The following ADAMTS18 variants were observed in gnomAD, a reference collection of about 807,000 sequenced individuals.
ADAMTS18 encodes the protein A disintegrin and metalloproteinase with thrombospondin motifs 18.
A neutral mutation model predicts 165.9 loss-of-function variants in ADAMTS18; 157 were observed. That is an observed-to-expected ratio of 0.95 (90% CI 0.83 to 1.08). The LOEUF is 1.08. ADAMTS18 is among the 50% of genes least tolerant of loss of function. ADAMTS18 has a pLI of 0.00. For missense variants in ADAMTS18, 2,040 were observed against 1,534.0 expected (o/e 1.33, Z -5.51); for synonymous variants, 782 against 578.2 (o/e 1.35, Z -5.06).
At chr16:77,315,410 G>C (rs969303685) in intron 16 of ADAMTS18, among the ~76,000 whole-genome samples, 2 of 152,180 alleles carry the variant, frequency 1.3e-5, no homozygotes, top group African/African-American at 4.8e-5. Context: ...AATCTGGATA[G>C]AAACATATAC....
Position 77,396,918 on chromosome 16 carries a change from T to C in ADAMTS18, c.496-29195A>G, listed in dbSNP as rs572198880. Among the ~76,000 whole-genome samples the C allele has an allele frequency of 1.4e-3, 213 of 152,198 alleles. 1 individual carries two copies. The highest frequency in any genetic ancestry group is 4.7e-3 in the African/African-American group (194 of 41,542). On this transcript the variant is annotated intron_variant, in intron 3 of 22. Transcript: ENST00000282849. ...GCCCCCTGGATTCAAGCGATTCTCT[T>C]GCCTCAGCCTCCTGAGTAGCTGGGA...
chr16:77,294,309 C>T (rs1289966050), intron 19 of ADAMTS18, among the ~76,000 whole-genome samples: 1 of 152,086 alleles, frequency 6.6e-6, no homozygotes, highest in East Asian at 1.9e-4. Flanking sequence ...GGACATTCAC[C>T]TCTACCCACT....
At chr16:77,330,868 T>C in intron 12 of ADAMTS18, among the ~76,000 whole-genome samples, 1 of 152,086 alleles carries the variant, frequency 6.6e-6, no homozygotes, top group African/African-American at 2.4e-5. Flanking sequence ...CTACACTGAG[T>C]GATGTGAATA....
At chr16:77,350,339 A>G (rs1459848564) in intron 10 of ADAMTS18, among the ~76,000 whole-genome samples, 3 of 152,210 alleles carry the variant, frequency 2.0e-5, no homozygotes, top group Non-Finnish European at 4.4e-5. Flanking sequence ...AGCCAGCCCC[A>G]GAGCCTTTAC....
chr16:77,359,591 A>G (rs1483628716), intron 7 of ADAMTS18, among the ~76,000 whole-genome samples, 168 bp from the exon 8 acceptor site: 3 of 150,760 alleles, frequency 2.0e-5, no homozygotes, highest in Admixed American at 6.6e-5. Flanking sequence ...TGTCCTGTGT[A>G]ATGATAATGT....
chr16:77,365,925 T>A (rs2056786874), intron 4 of ADAMTS18, among the ~76,000 whole-genome samples: 1 of 152,252 alleles, frequency 6.6e-6, no homozygotes, highest in African/African-American at 2.4e-5. Flanking sequence ...TTTATAAGGT[T>A]GTTGTAAAGA....
chr16:77,366,199 T>C (rs1240009430), intron 4 of ADAMTS18, among the ~76,000 whole-genome samples: 2 of 152,180 alleles, frequency 1.3e-5, no homozygotes, highest in African/African-American at 2.4e-5. Context: ...GCGCACAGTT[T>C]CCATGCACAG....
chr16:77,331,581 T>C (rs1334102481), intron 12 of ADAMTS18, among the ~76,000 whole-genome samples: 4 of 152,196 alleles, frequency 2.6e-5, no homozygotes, highest in African/African-American at 4.8e-5. Context: ...CCTGATTACA[T>C]CTGTGAGTCC....
intron 3 of ADAMTS18, among the ~76,000 whole-genome samples, chr16:77,427,933 G>T (rs937697956): frequency 1.3e-5 from 2 of 152,190 alleles, no homozygotes; most frequent in Non-Finnish European, 2.9e-5. Flanking sequence ...ACGTACATAC[G>T]TATTCACTAT....
intron 22 of ADAMTS18, among the ~76,000 whole-genome samples, chr16:77,285,107 A>C (rs1161851037): frequency 6.6e-6 from 1 of 150,992 alleles, no homozygotes; most frequent in Non-Finnish European, 1.5e-5. Flanking sequence ...GGGCCTCAGG[A>C]GATAGGAAAT....
chr16:77,322,591 G>A, intron 13 of ADAMTS18, 125 bp from the exon 14 acceptor site: 1 of 1,218,806 alleles, frequency 8.2e-7, no homozygotes, highest in Non-Finnish European at 1.2e-6. Flanking sequence ...AAATGTGTGT[G>A]TTTGCACATA....
chr16:77,293,625 A>G (rs1383082024), intron 19 of ADAMTS18, among the ~76,000 whole-genome samples: 1 of 151,700 alleles, frequency 6.6e-6, no homozygotes, highest in African/African-American at 2.4e-5. Context: ...TCCCTAACGT[A>G]TCAGTCTCCA....
intron 3 of ADAMTS18, among the ~76,000 whole-genome samples, chr16:77,415,951 C>T (rs896146431): frequency 1.3e-5 from 2 of 152,092 alleles, no homozygotes; most frequent in Non-Finnish European, 2.9e-5. Flanking sequence ...TGATTCCAGC[C>T]ACTGGAAATA....
chr16:77,389,451 A>G (rs1443821117), intron 3 of ADAMTS18, among the ~76,000 whole-genome samples: 1 of 152,170 alleles, frequency 6.6e-6, no homozygotes, highest in African/African-American at 2.4e-5. Context: ...CTCTCATGAC[A>G]GTGTGTGTCT....
intron 16 of ADAMTS18, among the ~76,000 whole-genome samples, chr16:77,314,850 T>C (rs35537097): frequency 1.5e-5 from 2 of 130,966 alleles, no homozygotes; most frequent in African/African-American, 5.9e-5. Flanking sequence ...ATGGGCTAAG[T>C]ATTTTGTAGG....
chr16:77,378,022 T>C (rs1313927782), intron 3 of ADAMTS18, among the ~76,000 whole-genome samples: 1 of 152,206 alleles, frequency 6.6e-6, no homozygotes, highest in Non-Finnish European at 1.5e-5. Context: ...AAAAGGATGT[T>C]TAGGATTTTA....
intron 16 of ADAMTS18, among the ~76,000 whole-genome samples, chr16:77,313,109 C>G (rs929698938): frequency 4.4e-5 from 1 of 22,482 alleles, no homozygotes; most frequent in Non-Finnish European, 9.4e-5. Context: ...GAATACTATG[C>G]AGCCATAAAA....
chr16:77,350,683 G>A (rs549054056), intron 10 of ADAMTS18, among the ~76,000 whole-genome samples: 17 of 152,112 alleles, frequency 1.1e-4, no homozygotes, highest in Non-Finnish European at 1.6e-4. Flanking sequence ...CTAACTCAGC[G>A]ACCCTCAATC....
intron 13 of ADAMTS18, among the ~76,000 whole-genome samples, chr16:77,323,393 G>A (rs1174209335): frequency 6.6e-6 from 1 of 152,122 alleles, no homozygotes; most frequent in Non-Finnish European, 1.5e-5. Context: ...GTCCAAATAT[G>A]CACATGCGTG....
Sources: allele counts gnomAD v4.1 joint callset (sites outside exome capture counted in the v4.1 genomes callset), GRCh38; gene constraint gnomAD v4.1.1; transcripts MANE v1.5; gene names NCBI Gene and HGNC (gene_info 2026-07-23, HGNC 2026-07-21).